RIPOR2: variants seen among roughly 807,000 people sequenced by gnomAD.
The protein encoded by RIPOR2 is RHO family interacting cell polarization regulator 2.
A neutral mutation model predicts 114.5 loss-of-function variants in RIPOR2; 39 were observed. That is an observed-to-expected ratio of 0.34 (90% CI 0.26 to 0.44). The LOEUF is 0.44. Ranked by LOEUF, RIPOR2 falls within the 20% of genes least tolerant of loss-of-function variation. RIPOR2 has a pLI of 1.00. For missense variants in RIPOR2, 1,007 were observed against 1,255.1 expected, an observed-to-expected ratio of 0.80 and a Z score of 2.99; for synonymous variants, 445 against 484.4, an observed-to-expected ratio of 0.92 and a Z score of 1.07.
chr6:24,846,586 G>A (rs1762315077), intron 12 of RIPOR2, among the ~76,000 whole-genome samples: 1 of 152,036 alleles, frequency 6.6e-6, no homozygotes, highest in East Asian at 1.9e-4. Context: ...GATTATAGGT[G>A]TGAGCTACCA....
At chr6:24,810,629 C>T (rs1781080610) in intron 20 of RIPOR2, among the ~76,000 whole-genome samples, 1 of 152,162 alleles carries the variant, frequency 6.6e-6, no homozygotes, top group Non-Finnish European at 1.5e-5. Flanking sequence ...AAAACCCATG[C>T]AGATCACTGT....
intron 1 of RIPOR2, among the ~76,000 whole-genome samples, chr6:24,921,768 G>A (rs1175837605): frequency 6.6e-6 from 1 of 151,864 alleles, no homozygotes; most frequent in African/African-American, 2.4e-5. Flanking sequence ...GTACCTGAGA[G>A]CCAGAACAGA....
chr6:24,838,093 T>C (rs1761276467), intron 14 of RIPOR2, among the ~76,000 whole-genome samples: 1 of 152,236 alleles, frequency 6.6e-6, no homozygotes, highest in Admixed American at 6.5e-5. Flanking sequence ...TCTCAAAACA[T>C]GATTTGGCTG....
chr6:24,865,166 G>T, intron 7 of RIPOR2, 135 bp downstream of exon 7: 2 of 674,926 alleles, frequency 3.0e-6, no homozygotes, highest in Non-Finnish European at 4.8e-6. Flanking sequence ...TACTTTTTAG[G>T]CTAACAGTAA....
chr6:24,847,056 A>T (rs896086836), intron 12 of RIPOR2, among the ~76,000 whole-genome samples: 3 of 152,074 alleles, frequency 2.0e-5, no homozygotes, highest in African/African-American at 7.2e-5. Context: ...GGTTCAAGTG[A>T]TCCTCTCACC....
intron 21 of RIPOR2, among the ~76,000 whole-genome samples, chr6:24,809,381 C>G (rs1780986257): frequency 6.6e-6 from 1 of 152,168 alleles, no homozygotes; most frequent in Non-Finnish European, 1.5e-5. Context: ...ATGTCAACCC[C>G]ACCTGGCAAC....
intron 1 of RIPOR2, among the ~76,000 whole-genome samples, chr6:24,935,134 C>A (rs1251631508): frequency 1.3e-5 from 2 of 151,838 alleles, no homozygotes; most frequent in Non-Finnish European, 2.9e-5. Context: ...ATGGCAAAAT[C>A]CCATCTCTAC....
chr6:24,963,758 G>A (rs1773405505), intron 1 of RIPOR2, among the ~76,000 whole-genome samples: 1 of 151,956 alleles, frequency 6.6e-6, no homozygotes, highest in Non-Finnish European at 1.5e-5. Flanking sequence ...GTGTGTGTGT[G>A]TGTATTTGTC....
chr6:24,909,690 A>G (rs996417224), intron 1 of RIPOR2, among the ~76,000 whole-genome samples: 2 of 152,190 alleles, frequency 1.3e-5, no homozygotes, highest in Non-Finnish European at 2.9e-5. Context: ...TAGACCTTCT[A>G]CCAAGCGTGT....
Position 24,830,690 on chromosome 6 carries a change from C to T in RIPOR2, c.2345-20G>A. 1 of 1,540,422 alleles carries T rather than the reference C, an allele frequency of 6.5e-7. No homozygotes were observed. Among genetic ancestry groups the T allele is most frequent in the South Asian group, 1.2e-5 (1 of 82,548 alleles). ...GTATGGCTGGAAAAGAAGAGCAACC[C>T]CCCATCTCGTAACACATTTTATTTT... On this transcript the variant is annotated intron_variant, in intron 16 of 21. Transcript: ENST00000643898.
chr6:25,034,390 A>G (rs1372650005), intron 1 of RIPOR2, among the ~76,000 whole-genome samples: 2 of 152,112 alleles, frequency 1.3e-5, no homozygotes, highest in Non-Finnish European at 2.9e-5. Flanking sequence ...AATTTCTTGG[A>G]TCTTGCTATT....
intron 1 of RIPOR2, among the ~76,000 whole-genome samples, chr6:25,039,281 C>T (rs191911571): frequency 2.6e-5 from 4 of 152,310 alleles, no homozygotes; most frequent in South Asian, 4.1e-4. Context: ...CACTCTTTCT[C>T]CCTTTCCACT....
chr6:24,964,263 T>C (rs985172516), intron 1 of RIPOR2, among the ~76,000 whole-genome samples: 1 of 151,922 alleles, frequency 6.6e-6, no homozygotes, highest in African/African-American at 2.4e-5. Context: ...GCTACAGAGC[T>C]CTCCCTCATG....
chr6:24,835,262 T>C (rs1406140730), intron 15 of RIPOR2, among the ~76,000 whole-genome samples: 1 of 152,206 alleles, frequency 6.6e-6, no homozygotes, highest in East Asian at 1.9e-4. Context: ...TTATTCAAGG[T>C]CCAGGAGACT....
At chr6:24,921,414 T>TA (rs1770474482) in intron 1 of RIPOR2, among the ~76,000 whole-genome samples, 1 of 152,088 alleles carries the variant, frequency 6.6e-6, no homozygotes, top group Non-Finnish European at 1.5e-5. Context: ...TCCTCCAACC[T>TA]TGGTCTTCCA....
intron 1 of RIPOR2, among the ~76,000 whole-genome samples, chr6:24,926,230 G>T (rs1770850247): frequency 6.6e-6 from 1 of 152,140 alleles, no homozygotes; most frequent in African/African-American, 2.4e-5. Flanking sequence ...GGTGATGGGG[G>T]AGGCAGTGCC....
At chr6:24,825,853 T>C (rs555459814) in intron 18 of RIPOR2, among the ~76,000 whole-genome samples, 13 of 152,112 alleles carry the variant, frequency 8.5e-5, no homozygotes, top group African/African-American at 2.9e-4. Context: ...AAAAACCAAG[T>C]CTGCACTGAG....
At chr6:24,932,314 C>CTGTGTGTG (rs58590259) in intron 1 of RIPOR2, among the ~76,000 whole-genome samples, 19 of 149,198 alleles carry the variant, frequency 1.3e-4, no homozygotes, top group African/African-American at 4.7e-4. Flanking sequence ...AAACTTAAGA[C>CTGTGTGTG]TGTGTGTGTG....
chr6:25,013,059 G>A (rs982487165), intron 1 of RIPOR2, among the ~76,000 whole-genome samples: 2 of 151,060 alleles, frequency 1.3e-5, no homozygotes, highest in African/African-American at 4.9e-5. Context: ...AGAGAGGTGA[G>A]CATCTGCAGA....
Sources: gnomAD v4.1 joint callset for allele counts (sites outside exome capture counted in the v4.1 genomes callset) on GRCh38, gnomAD v4.1.1 for gene constraint, MANE v1.5 for transcripts, NCBI Gene and HGNC (gene_info 2026-07-23, HGNC 2026-07-21) for gene names.